Variants in FRMD3 observed in about 807,000 individuals in gnomAD.
FRMD3 encodes the protein FERM domain-containing protein 3.
FRMD3 carries 33 observed loss-of-function variants against 70.2 expected under a neutral mutation model. The observed-to-expected ratio is 0.47, with a 90% CI of 0.36 to 0.63. The LOEUF (loss-of-function observed/expected upper bound fraction) is 0.63, where lower values mean the gene tolerates loss of function less well. Ranked by LOEUF, FRMD3 falls within the 20% of genes least tolerant of loss-of-function variation. The pLI, the probability that FRMD3 is intolerant of heterozygous loss-of-function variation, is 0.00. For missense variants in FRMD3, 632 were observed against 711.4 expected (o/e 0.89, Z 1.27); for synonymous variants, 279 against 255.9 (o/e 1.09, Z -0.86).
At chr9:83,577,829 C>T in the FRMD3 span, among the ~76,000 whole-genome samples, 1 of 151,344 alleles carries the variant, frequency 6.6e-6, no homozygotes, top group Non-Finnish European at 1.5e-5. Flanking sequence ...AAGGAAATAA[C>T]AAAGATCAGA....
At chr9:83,529,628 C>A (rs533407538) in intron 1 of FRMD3, among the ~76,000 whole-genome samples, 1 of 152,228 alleles carries the variant, frequency 6.6e-6, no homozygotes, top group African/African-American at 2.4e-5. Context: ...ATCACAAATA[C>A]AAGCAACAAA....
chr9:83,349,555 T>G, intron 4 of FRMD3, 124 bp downstream of exon 4: 1 of 616,628 alleles, frequency 1.6e-6, no homozygotes, highest in Non-Finnish European at 2.8e-6. Flanking sequence ...GCAAAAACGC[T>G]GAATTCCAAG....
intron 1 of FRMD3, among the ~76,000 whole-genome samples, chr9:83,399,961 T>C (rs1490763798): frequency 1.3e-5 from 2 of 151,380 alleles, no homozygotes; most frequent in African/African-American, 4.9e-5. Context: ...TTCAACACCA[T>C]ACTGGAAGTC....
intron 1 of FRMD3, among the ~76,000 whole-genome samples, chr9:83,414,562 G>A (rs1379914528): frequency 6.6e-6 from 1 of 152,180 alleles, no homozygotes; most frequent in African/African-American, 2.4e-5. Context: ...ACAAGCTGGG[G>A]AGAGATATTT....
chr9:83,454,171 A>C (rs1314631739), intron 1 of FRMD3, among the ~76,000 whole-genome samples: 2 of 152,208 alleles, frequency 1.3e-5, no homozygotes, highest in Non-Finnish European at 2.9e-5. Flanking sequence ...ATATTAGTAC[A>C]TCTTTTGTAG....
intron 1 of FRMD3, among the ~76,000 whole-genome samples, chr9:83,427,849 C>A (rs1826855035): frequency 6.6e-6 from 1 of 152,042 alleles, no homozygotes; most frequent in South Asian, 2.1e-4. Flanking sequence ...AATTAAAAAA[C>A]ATTTCCTATT....
rs1832164945 is a variant in FRMD3 at position 83,247,480 on chromosome 9, A to G, written c.*438T>C. ...AAAAACCCAGCATAAATTTAGTTGT[A>G]TAGGCATTGGTTAGAGGACACTGTT... On this transcript the variant is annotated 3_prime_UTR_variant, in exon 14 of 14. Coordinates refer to ENST00000304195, the MANE Select transcript of FRMD3 (RefSeq NM_174938.6). The G allele has an allele frequency of 1.0e-6, 1 of 984,056 alleles. No individual in the cohort carries two copies. Among genetic ancestry groups the G allele is most frequent in the African/African-American group, 1.8e-5 (1 of 57,090 alleles). 61.0% of individuals were successfully genotyped at this position (984,056 alleles called of 1,614,324 possible). A position where few individuals can be genotyped will look rare whatever the true frequency, so the allele number is the denominator to read the frequency against.
intron 1 of FRMD3, among the ~76,000 whole-genome samples, chr9:83,529,089 A>G (rs79009998): frequency 0.087 from 13,222 of 152,266 alleles, 638 homozygotes; most frequent in African/African-American, 0.12. Flanking sequence ...GTATTCTCAC[A>G]TATGCTTCTT....
intron 1 of FRMD3, among the ~76,000 whole-genome samples, chr9:83,420,217 G>A (rs1183616566): frequency 6.6e-6 from 1 of 152,172 alleles, no homozygotes; most frequent in Admixed American, 6.5e-5. Flanking sequence ...CCTCATGGAT[G>A]ATGATAGAAA....
rs116398848 is a variant in FRMD3, at chr9:83,472,879, G to T, written c.147+65206C>A. ...CACATAATTTATACTTGCATAAAAT[G>T]CCAGTAGGCTTTCCTCATAGGCAGT... On this transcript the variant is annotated intron_variant, in intron 1 of 13. Transcript: ENST00000304195. Among the ~76,000 whole-genome samples the T allele has an allele frequency of 3.8e-3, 584 of 152,164 alleles. 5 individuals are homozygous for T. Among genetic ancestry groups the T allele is most frequent in the African/African-American group, 0.013 (554 of 41,508 alleles).
chr9:83,530,614 A>G (rs1829774138), intron 1 of FRMD3, among the ~76,000 whole-genome samples: 1 of 152,202 alleles, frequency 6.6e-6, no homozygotes, highest in Non-Finnish European at 1.5e-5. Context: ...GTATACCTTA[A>G]GTGGGCGTAC....
At chr9:83,495,339 C>T (rs1301083425) in intron 1 of FRMD3, among the ~76,000 whole-genome samples, 6 of 152,080 alleles carry the variant, frequency 3.9e-5, no homozygotes, top group East Asian at 1.9e-4. Context: ...AACTGACCAC[C>T]GCATTGAAGA....
intron 1 of FRMD3, among the ~76,000 whole-genome samples, chr9:83,462,060 C>T (rs1469877864): frequency 6.6e-6 from 1 of 152,108 alleles, no homozygotes; most frequent in African/African-American, 2.4e-5. Flanking sequence ...GAATAAAAGA[C>T]CTGGAGAAGT....
the FRMD3 span, among the ~76,000 whole-genome samples, chr9:83,575,603 T>G: frequency 1.3e-5 from 2 of 152,270 alleles, no homozygotes; most frequent in East Asian, 3.9e-4. Context: ...AGAGGGGATA[T>G]ACTTGTTCAA....
At chr9:83,346,040 G>A (rs1823948268) in intron 4 of FRMD3, among the ~76,000 whole-genome samples, 1 of 152,114 alleles carries the variant, frequency 6.6e-6, no homozygotes, top group Non-Finnish European at 1.5e-5. Context: ...CGGATAGCCT[G>A]AGGTCAGGAG....
intron 10 of FRMD3, among the ~76,000 whole-genome samples, chr9:83,300,122 G>A (rs1383144655): frequency 6.6e-6 from 1 of 152,224 alleles, no homozygotes; most frequent in African/African-American, 2.4e-5. Context: ...CGGAGCCAGG[G>A]AAGTTTCAGC....
chr9:83,446,761 C>A (rs1827487251), intron 1 of FRMD3, among the ~76,000 whole-genome samples: 2 of 151,372 alleles, frequency 1.3e-5, no homozygotes, highest in African/African-American at 4.9e-5. Context: ...AAGTCTTTTT[C>A]TTGTACTTTA....
At chr9:83,261,430 C>T (rs1056719720) in intron 13 of FRMD3, among the ~76,000 whole-genome samples, 2 of 152,242 alleles carry the variant, frequency 1.3e-5, no homozygotes, top group South Asian at 4.1e-4. Flanking sequence ...CTCCAATGAT[C>T]ACCATATTGC....
chr9:83,272,267 C>A (rs1833586846), intron 13 of FRMD3, among the ~76,000 whole-genome samples: 1 of 151,866 alleles, frequency 6.6e-6, no homozygotes, highest in Non-Finnish European at 1.5e-5. Flanking sequence ...CCACGCCTGA[C>A]TGGTTTTCGT....
Sources: gnomAD v4.1 joint callset for allele counts (sites outside exome capture counted in the v4.1 genomes callset) on GRCh38, gnomAD v4.1.1 for gene constraint, MANE v1.5 for transcripts, NCBI Gene and HGNC (gene_info 2026-07-23, HGNC 2026-07-21) for gene names.